The following FMNL2 variants were observed in gnomAD, a reference collection of about 807,000 sequenced individuals.
The protein encoded by FMNL2 is formin like 2.
A neutral mutation model predicts 130.2 loss-of-function variants in FMNL2; 51 were observed. The ratio of observed to expected loss-of-function variants is 0.39; its 90% CI spans 0.31 to 0.49. FMNL2 has a LOEUF of 0.49. Among genes scored for constraint, FMNL2 ranks in the 20% least tolerant of loss-of-function variants. FMNL2 has a pLI of 0.85. For synonymous variants in FMNL2, 465 were observed against 467.1 expected, an observed-to-expected ratio of 1.00 and a Z score of 0.06; for missense variants, 977 against 1,316.2, an observed-to-expected ratio of 0.74 and a Z score of 3.99.
In FMNL2 at chr2:152,357,050, C is replaced by T. The variant is rs201921887; in HGVS notation, c.117+21330C>T. On this transcript the variant is annotated intron_variant, in intron 1 of 25. Transcript: ENST00000288670. ...AATATTACATAAGTTTAATATATCACGATAAATATTACATAAGTTTAATAT... is the reference window on the plus strand; with the variant it reads ...AATATTACATAAGTTTAATATATCATGATAAATATTACATAAGTTTAATAT... Among the ~76,000 whole-genome samples the T allele has an allele frequency of 6.0e-3, 733 of 121,782 alleles. 20 individuals are homozygous for T. The highest frequency in any genetic ancestry group is 0.019 in the African/African-American group (684 of 35,214). The allele number at this position is 121,782 out of a possible 152,430, so 79.9% of individuals were successfully genotyped here. A position where few individuals can be genotyped will look rare whatever the true frequency, so the allele number is the denominator to read the frequency against.
At chr2:152,524,340 A>G (rs150378194) in intron 2 of FMNL2, among the ~76,000 whole-genome samples, 5,072 of 152,304 alleles carry the variant, frequency 0.033, 136 homozygotes, top group Non-Finnish European at 0.051. Context: ...ATAAATACAA[A>G]GATGACCTGA....
At chr2:152,413,342 A>C (rs1686426095) in intron 1 of FMNL2, among the ~76,000 whole-genome samples, 1 of 152,184 alleles carries the variant, frequency 6.6e-6, no homozygotes, top group African/African-American at 2.4e-5. Context: ...TTAAAAAAAA[A>C]ATGCTGCTAC....
Position 152,640,073 on chromosome 2 carries a change from T to G in FMNL2, c.3045+17T>G. The G allele has an allele frequency of 6.5e-7, 1 of 1,536,530 alleles. No homozygotes were observed. The highest frequency in any genetic ancestry group is 8.8e-7 in the Non-Finnish European group (1 of 1,141,746). On this transcript the variant is annotated intron_variant, in intron 24 of 25. Coordinates refer to ENST00000288670, the MANE Select transcript of FMNL2 (RefSeq NM_052905.4). ...GATCCAAAGGTAAGAAGTGCCGCAC[T>G]CATGAGACAGGTCCGTGAGGAGAGG...
chr2:152,580,380 G>A (rs551055844), intron 8 of FMNL2, among the ~76,000 whole-genome samples: 1 of 152,294 alleles, frequency 6.6e-6, no homozygotes, highest in South Asian at 2.1e-4. Context: ...TCTTGTGTTA[G>A]TAAAGCTAGT....
In FMNL2 at chr2:152,547,348, C is replaced by T. The variant is rs114541341; in HGVS notation, c.283-1673C>T. 8.5e-3 allele frequency among the ~76,000 whole-genome samples: 1,300 copies of T among 152,294 alleles called. 17 individuals carry two copies. Among genetic ancestry groups the T allele is most frequent in the African/African-American group, 0.028 (1,182 of 41,566 alleles). On this transcript the variant is annotated intron_variant, in intron 3 of 25. Transcript: ENST00000288670. The stretch of plus-strand genomic sequence containing the variant: ...TCCTCCAAACTCTCAAGTATGCCAC[C>T]ATTTGTTAGGCCTGTTTCGACAGAA...
At chr2:152,611,847 C>T (rs1303029486) in intron 11 of FMNL2, among the ~76,000 whole-genome samples, 1 of 152,190 alleles carries the variant, frequency 6.6e-6, no homozygotes, top group Non-Finnish European at 1.5e-5. Flanking sequence ...AGTCAGATAA[C>T]CTCTTGCAGC....
chr2:152,340,364 C>T (rs532122636), intron 1 of FMNL2, among the ~76,000 whole-genome samples: 1 of 152,208 alleles, frequency 6.6e-6, no homozygotes, highest in Non-Finnish European at 1.5e-5. Context: ...TAAAAAATTC[C>T]TGTCTGGTTA....
At chr2:152,465,279 T>C (rs533437154) in intron 1 of FMNL2, among the ~76,000 whole-genome samples, 15 of 152,308 alleles carry the variant, frequency 9.8e-5, no homozygotes, top group African/African-American at 3.4e-4. Flanking sequence ...TGTTGGTGAG[T>C]GCTCCACAAG....
chr2:152,571,175 T>TTCCTCCTTC (rs1286597453), intron 6 of FMNL2, among the ~76,000 whole-genome samples: 1 of 146,856 alleles, frequency 6.8e-6, no homozygotes, highest in Non-Finnish European at 1.5e-5. Context: ...CCTCCTCCTT[T>TTCCTCCTTC]TCCTCCTTCT....
chr2:152,466,818 A>G (rs577336407), intron 1 of FMNL2, among the ~76,000 whole-genome samples: 1 of 152,320 alleles, frequency 6.6e-6, no homozygotes, highest in Non-Finnish European at 1.5e-5. Context: ...GAAACATGGC[A>G]GCCTCTGCAG....
intron 1 of FMNL2, among the ~76,000 whole-genome samples, chr2:152,387,869 G>T (rs1476144243): frequency 6.6e-6 from 1 of 151,346 alleles, no homozygotes; most frequent in Non-Finnish European, 1.5e-5. Context: ...GCCCAGGCTG[G>T]TCTTGATCTC....
intron 1 of FMNL2, among the ~76,000 whole-genome samples, chr2:152,337,354 T>G (rs1251191207): frequency 2.0e-5 from 3 of 151,972 alleles, no homozygotes; most frequent in Non-Finnish European, 4.4e-5. Flanking sequence ...TCCTCCTGGC[T>G]CTGGCTTTTT....
intron 1 of FMNL2, among the ~76,000 whole-genome samples, chr2:152,457,507 C>T (rs2105105281): frequency 6.6e-6 from 1 of 152,334 alleles, no homozygotes; most frequent in South Asian, 2.1e-4. Flanking sequence ...AAAGTAGTGA[C>T]ACTTACCACA....
intron 1 of FMNL2, among the ~76,000 whole-genome samples, chr2:152,501,307 G>A (rs1054707604): frequency 6.6e-6 from 1 of 152,100 alleles, no homozygotes. Flanking sequence ...AAAGTGACTC[G>A]GGGATAGGGT....
chr2:152,498,139 C>T (rs1254337360), intron 1 of FMNL2, among the ~76,000 whole-genome samples: 1 of 152,180 alleles, frequency 6.6e-6, no homozygotes, highest in Non-Finnish European at 1.5e-5. Context: ...GAAGTCATGT[C>T]ATACTCATAA....
rs572956179 is a variant in FMNL2 at position 152,339,123 on chromosome 2, C to T, written c.117+3403C>T. On this transcript the variant is annotated intron_variant, in intron 1 of 25. Coordinates refer to ENST00000288670, the MANE Select transcript of FMNL2 (RefSeq NM_052905.4). ...GGGGTTACATCAAGCTTGTCAACCA[C>T]TGCCTGTGGGCCTCATGGGCCCAAC... is the stretch of plus-strand genomic sequence containing the variant. Among the ~76,000 whole-genome samples, 3 of 152,356 alleles carry T rather than the reference C, an allele frequency of 2.0e-5. No individual in the cohort carries two copies. The South Asian group carries it at 6.2e-4, about 32-fold the overall frequency.
chr2:152,471,804 C>T (rs1041698589), intron 1 of FMNL2, among the ~76,000 whole-genome samples: 4 of 152,134 alleles, frequency 2.6e-5, no homozygotes, highest in South Asian at 2.1e-4. Flanking sequence ...TCTTTGGAAA[C>T]GGAAGTCCAC....
At chr2:152,446,851 C>T (rs966228677) in intron 1 of FMNL2, among the ~76,000 whole-genome samples, 3 of 152,170 alleles carry the variant, frequency 2.0e-5, no homozygotes, top group Non-Finnish European at 2.9e-5. Flanking sequence ...CGCAACACAA[C>T]TGGTGCTCAC....
intron 10 of FMNL2, among the ~76,000 whole-genome samples, chr2:152,608,608 A>G (rs1210040496): frequency 6.6e-6 from 1 of 151,040 alleles, no homozygotes; most frequent in Non-Finnish European, 1.5e-5. Context: ...CATATATGAA[A>G]CAAGGGACAT....
Sources: gnomAD v4.1 joint callset for allele counts (sites outside exome capture counted in the v4.1 genomes callset) on GRCh38, gnomAD v4.1.1 for gene constraint, MANE v1.5 for transcripts, NCBI Gene and HGNC (gene_info 2026-07-23, HGNC 2026-07-21) for gene names.